Variants in LMO1 observed in about 807,000 individuals in gnomAD.
LMO1 encodes LIM domain only 1.
Under a neutral mutation model 18.0 loss-of-function variants are expected in LMO1, and 10 were observed. The ratio of observed to expected loss-of-function variants is 0.55; its 90% CI spans 0.34 to 0.94. The LOEUF is 0.94. Ranked by LOEUF, LMO1 falls within the 40% of genes least tolerant of loss-of-function variation. The pLI is 0.02. For missense variants in LMO1, 183 were observed against 205.7 expected (o/e 0.89, Z 0.68); for synonymous variants, 77 against 77.9 (o/e 0.99, Z 0.06).
chr11:8,253,655 C>G (rs1414493887), intron 1 of LMO1, among the ~76,000 whole-genome samples: 1 of 152,036 alleles, frequency 6.6e-6, no homozygotes, highest in Non-Finnish European at 1.5e-5. Context: ...GGAGAGGACA[C>G]GCAGGATGGA....
At chr11:8,248,804 G>A (rs11041824) in intron 1 of LMO1, among the ~76,000 whole-genome samples, 13,330 of 152,210 alleles carry the variant, frequency 0.088, 655 homozygotes, top group African/African-American at 0.11. Context: ...GGCTGGATAG[G>A]TCTAGACTTG....
At chr11:8,235,101 T>C (rs967062273) in intron 1 of LMO1, among the ~76,000 whole-genome samples, 42 of 152,184 alleles carry the variant, frequency 2.8e-4, no homozygotes, top group African/African-American at 9.7e-4. Flanking sequence ...CAGAGTCTGG[T>C]GCCCAGGGCA....
In LMO1 at chr11:8,263,844, T is replaced by A. The variant is rs1478944804; in HGVS notation, c.-482A>T. 9.6e-7 allele frequency: 1 copy of A among 1,046,424 alleles called. No individual in the cohort carries two copies. The highest frequency in any genetic ancestry group is 1.1e-6 in the Non-Finnish European group (1 of 869,742). 64.8% of individuals were successfully genotyped at this position (1,046,424 alleles called of 1,614,324 possible). A position where few individuals can be genotyped will look rare whatever the true frequency, so the allele number is the denominator to read the frequency against. ...TATTCAAAGAGATGGGGGAATCTCG[T>A]GGCCGTCTCCCGCTGCCTTTCTCCC... On this transcript the variant is annotated 5_prime_UTR_variant, in exon 1 of 4. Transcript: ENST00000335790.
chr11:8,242,555 C>T (rs573478983), intron 1 of LMO1, among the ~76,000 whole-genome samples: 2 of 152,284 alleles, frequency 1.3e-5, no homozygotes, highest in Non-Finnish European at 2.9e-5. Context: ...TTCCACCAAC[C>T]CCCATCCCAT....
At chr11:8,261,084 T>A (rs11041832) in intron 1 of LMO1, among the ~76,000 whole-genome samples, 56,165 of 151,844 alleles carry the variant, frequency 0.37, 11,494 homozygotes, top group Middle Eastern at 0.51. Flanking sequence ...GGGAGTGGAG[T>A]GCAGATGCAT....
chr11:8,263,235 A>C, intron 1 of LMO1, 103 bp downstream of exon 1: 2 of 1,142,278 alleles, frequency 1.8e-6, no homozygotes, highest in Non-Finnish European at 1.2e-6. Flanking sequence ...CAATCCCCGC[A>C]CAGCCCAGCA....
chr11:8,268,642 G>T, upstream of LMO1: 1 of 340,180 alleles, frequency 2.9e-6, no homozygotes, highest in Non-Finnish European at 5.2e-6. Flanking sequence ...CAGGAGGAGG[G>T]ACTGGGGGGA....
intron 1 of LMO1, among the ~76,000 whole-genome samples, chr11:8,260,689 C>G (rs1847171093): frequency 6.6e-6 from 1 of 152,146 alleles, no homozygotes; most frequent in African/African-American, 2.4e-5. Context: ...CATGAAAGCC[C>G]TGCAGCCCAG....
intron 1 of LMO1, among the ~76,000 whole-genome samples, chr11:8,255,974 C>T (rs999340759): frequency 3.3e-5 from 5 of 151,786 alleles, no homozygotes; most frequent in African/African-American, 4.8e-5. Flanking sequence ...TACAGGCGCC[C>T]GCCACCACGC....
chr11:8,243,586 C>T (rs988858571), intron 1 of LMO1, among the ~76,000 whole-genome samples: 9 of 152,206 alleles, frequency 5.9e-5, no homozygotes, highest in African/African-American at 2.2e-4. Context: ...GCTGGTATGG[C>T]CGCAGGCTGC....
chr11:8,230,598 C>A, intron 1 of LMO1, 94 bp from the exon 2 acceptor site: 1 of 1,292,210 alleles, frequency 7.7e-7, no homozygotes, highest in South Asian at 1.3e-5. Context: ...CACTGCTTCT[C>A]TCTGCTGCCC....
Position 8,227,006 on chromosome 11 carries a change from C to G in LMO1, c.334G>C (p.Asp112His), listed in dbSNP as rs757437334. ...MRARDNVYHL[D>H]CFACQLCNQR... The stretch of plus-strand genomic sequence containing the variant: ...TTGCAGAGCTGGCAGGCGAAGCAGT[C>G]GAGGTGATACACGTTGTCCCGGGCC... The change falls in exon 3 of 4, where the codon GAC (aspartate) becomes CAC (histidine). Residue 112 changes from aspartate to histidine, a missense_variant. Coordinates refer to ENST00000335790, the MANE Select transcript of LMO1 (RefSeq NM_002315.3). 1 of 1,613,448 alleles carries G rather than the reference C, an allele frequency of 6.2e-7. No individual in the cohort carries two copies.
chr11:8,236,208 T>A (rs1590535054), intron 1 of LMO1, among the ~76,000 whole-genome samples: 1 of 150,914 alleles, frequency 6.6e-6, no homozygotes, highest in Non-Finnish European at 1.5e-5. Flanking sequence ...TTTTTTTTTT[T>A]AAAGACAGGG....
In LMO1 at chr11:8,263,320, C is replaced by CCTCA. The variant is rs1847221296; in HGVS notation, c.25+17_25+18insTGAG. On this transcript the variant is annotated intron_variant, in intron 1 of 3. Coordinates refer to ENST00000335790, the MANE Select transcript of LMO1 (RefSeq NM_002315.3). ...GGCGAGGGGGTGAGGGGCGTCGAGA[C>CCTCA]CCCGGCCCGCCACCTACCGTCCTCC... 6.9e-6 allele frequency: 11 copies of CCTCA among 1,597,108 alleles called. No homozygotes were observed. Among genetic ancestry groups the CCTCA allele is most frequent in the Non-Finnish European group, 9.3e-6 (11 of 1,176,982 alleles).
chr11:8,224,632 T>A lies in LMO1; in HGVS notation c.455A>T (p.Glu152Val), dbSNP rs777762482. ...CGCCGGGCGTTACTGAACTTGGGATTCAAAGGTGCCATTGAGCTGCCCTTC... is the reference window on the plus strand; with the variant it reads ...CGCCGGGCGTTACTGAACTTGGGATACAAAGGTGCCATTGAGCTGCCCTTC... ...YEEGQLNGTF[E>V]SQVQ The change falls in exon 4 of 4, where the codon GAA (glutamate) becomes GTA (valine). Residue 152 changes from glutamate (E) to valine (V), a missense_variant. Glu to Val is a moderately radical substitution (Grantham distance 121). Coordinates refer to ENST00000335790, the MANE Select transcript of LMO1 (RefSeq NM_002315.3). The A allele has an allele frequency of 6.2e-7, 1 of 1,606,224 alleles. No homozygotes were observed. The highest frequency in any genetic ancestry group is 1.3e-5 in the African/African-American group (1 of 74,792).
chr11:8,233,720 C>T (rs1451985917), intron 1 of LMO1, among the ~76,000 whole-genome samples: 1 of 146,528 alleles, frequency 6.8e-6, no homozygotes, highest in Non-Finnish European at 1.5e-5. Context: ...ACCCAATCTG[C>T]CAGCCTGCCC....
At chr11:8,242,725 A>C (rs948356989) in intron 1 of LMO1, among the ~76,000 whole-genome samples, 3 of 152,204 alleles carry the variant, frequency 2.0e-5, no homozygotes, top group Non-Finnish European at 4.4e-5. Context: ...CATCTAATGA[A>C]ACAGGGCTCC....
intron 1 of LMO1, among the ~76,000 whole-genome samples, chr11:8,236,881 G>A (rs1372995980): frequency 6.6e-6 from 1 of 152,192 alleles, no homozygotes; most frequent in African/African-American, 2.4e-5. Context: ...GCGTTTTGGT[G>A]TGCTTATATA....
intron 1 of LMO1, among the ~76,000 whole-genome samples, chr11:8,258,265 G>A (rs183386642): frequency 1.9e-3 from 290 of 152,306 alleles, no homozygotes; most frequent in African/African-American, 6.5e-3. Context: ...CCTGGAGATG[G>A]ATCCAACAAC....
Sources: gnomAD v4.1 joint callset for allele counts (sites outside exome capture counted in the v4.1 genomes callset) on GRCh38, gnomAD v4.1.1 for gene constraint, MANE v1.5 for transcripts, NCBI Gene and HGNC (gene_info 2026-07-23, HGNC 2026-07-21) for gene names.